Variants in SPON1 observed in about 807,000 individuals in gnomAD.
SPON1 encodes spondin-1.
In SPON1, 52 loss-of-function variants were observed where a neutral mutation model predicts 111.7. The observed-to-expected ratio is 0.47, with a 90% CI of 0.37 to 0.59. The LOEUF is 0.59. Ranked by LOEUF, SPON1 falls within the 20% of genes least tolerant of loss-of-function variation. The pLI is 0.00. For missense variants in SPON1, 957 were observed against 1,068.5 expected (o/e 0.90, Z 1.46); for synonymous variants, 410 against 395.8 (o/e 1.04, Z -0.43).
rs536827212 is a variant in SPON1, at chr11:14,121,668, C to G, written c.677-13752C>G. On this transcript the variant is annotated intron_variant, in intron 5 of 15. Coordinates refer to ENST00000576479, the MANE Select transcript of SPON1 (RefSeq NM_006108.4). ...AAGAAGAGATTAAAGGTGCACCTTA[C>G]CCACATATTTCCCATTTCCAGCACT... 3.3e-4 allele frequency among the ~76,000 whole-genome samples: 50 copies of G among 152,208 alleles called. 2 individuals are homozygous for G. The South Asian group carries it at 9.3e-3, about 28-fold the overall frequency.
chr11:14,006,975 G>T (rs543294481), intron 2 of SPON1, among the ~76,000 whole-genome samples: 1 of 152,136 alleles, frequency 6.6e-6, no homozygotes, highest in Admixed American at 6.5e-5. Flanking sequence ...AAATTAAGGT[G>T]TCAACAGGAC....
intron 7 of SPON1, among the ~76,000 whole-genome samples, chr11:14,248,552 T>C (rs1849018573): frequency 6.6e-6 from 1 of 152,182 alleles, no homozygotes; most frequent in African/African-American, 2.4e-5. Context: ...ACTGGCTTGT[T>C]AAGGGAAAAG....
Position 14,257,337 on chromosome 11 carries a change from C to T in SPON1, c.1310-379C>T, listed in dbSNP as rs187841767. ...GCTGCTCTTATTCTTACCATGACAA[C>T]TGTGTATGGGATCATTGGGAAGATG... On this transcript the variant is annotated intron_variant, in intron 10 of 15. Coordinates refer to ENST00000576479, the MANE Select transcript of SPON1 (RefSeq NM_006108.4). 6.4e-4 allele frequency among the ~76,000 whole-genome samples: 97 copies of T among 152,266 alleles called. 1 individual carries two copies. Among genetic ancestry groups the T allele is most frequent in the African/African-American group, 2.2e-3 (91 of 41,544 alleles).
At chr11:14,185,857 T>G (rs1848281041) in intron 6 of SPON1, among the ~76,000 whole-genome samples, 1 of 152,216 alleles carries the variant, frequency 6.6e-6, no homozygotes, top group African/African-American at 2.4e-5. Context: ...CAAAGAGTTA[T>G]TTAATATGCC....
At chr11:14,063,614 A>G (rs545670610) in intron 3 of SPON1, among the ~76,000 whole-genome samples, 26 of 152,362 alleles carry the variant, frequency 1.7e-4, no homozygotes, top group Non-Finnish European at 3.1e-4. Context: ...CTTATGCCAC[A>G]TAAGGATGAG....
intron 6 of SPON1, among the ~76,000 whole-genome samples, chr11:14,200,063 T>C (rs2133896149): frequency 6.6e-6 from 1 of 152,126 alleles, no homozygotes; most frequent in Admixed American, 6.5e-5. Flanking sequence ...ATTTAGCAAC[T>C]ACTAACCCTC....
rs1849281717 is a variant in SPON1, at chr11:14,267,216, A to T, written c.*1529A>T. On this transcript the variant is annotated 3_prime_UTR_variant, in exon 16 of 16. Coordinates refer to ENST00000576479, the MANE Select transcript of SPON1 (RefSeq NM_006108.4). ...TCAATAAAAACTCACTGGGTCTTTC[A>T]TGTCTTTAAGCTAAGTAAGTGTTCA... is the stretch of plus-strand genomic sequence containing the variant. The T allele has an allele frequency of 6.6e-6, 1 of 152,156 alleles. No individual in the cohort carries two copies. 9.4% of individuals were successfully genotyped at this position (152,156 alleles called of 1,614,324 possible).
chr11:14,143,042 G>T (rs1453539945), intron 6 of SPON1, among the ~76,000 whole-genome samples: 1 of 152,320 alleles, frequency 6.6e-6, no homozygotes, highest in African/African-American at 2.4e-5. Flanking sequence ...GGCCCCAAAT[G>T]GTAGCCATAG....
At chr11:14,148,904 C>T (rs935739493) in intron 6 of SPON1, among the ~76,000 whole-genome samples, 3 of 152,186 alleles carry the variant, frequency 2.0e-5, no homozygotes, top group Non-Finnish European at 4.4e-5. Context: ...TGCATTCATT[C>T]ATTCATTCAT....
chr11:14,059,073 C>T (rs1401700892), intron 3 of SPON1, among the ~76,000 whole-genome samples: 3 of 152,190 alleles, frequency 2.0e-5, no homozygotes, highest in African/African-American at 4.8e-5. Context: ...GCATCTTACC[C>T]ATTCCAGCCA....
chr11:13,993,869 T>C (rs1467107376), intron 2 of SPON1, among the ~76,000 whole-genome samples: 1 of 152,216 alleles, frequency 6.6e-6, no homozygotes. Flanking sequence ...ATAATACTAT[T>C]CATTGCCTTG....
chr11:14,259,811 TGGCCCATGGTCCTTGCTG>T lies in SPON1; in HGVS notation c.1831+114_1831+131del, dbSNP rs781793689. ...GTCGGAGGCTGAGCAGAGGAAAGCA[TGGCCCATGGTCCTTGCTG>T]GGCACTGCTGGGAGCCAGATGAGAG... On this transcript the variant is annotated intron_variant, in intron 13 of 15. Transcript: ENST00000576479. The surrounding 1 kb of genome is among the most constrained non-coding windows in gnomAD (Gnocchi z 5.0). 5 of 1,240,616 alleles carry T rather than the reference TGGCCCATGGTCCTTGCTG, an allele frequency of 4.0e-6. No homozygotes were observed. Among genetic ancestry groups the T allele is most frequent in the Non-Finnish European group, 5.6e-6 (5 of 894,958 alleles). The allele number at this position is 1,240,616 out of a possible 1,614,324, so 76.9% of individuals were successfully genotyped here.
rs1361116926 is a variant in SPON1 at position 14,135,529 on chromosome 11, G to A, written c.786G>A (p.Leu262=). Residue 262 remains leucine (L), a synonymous_variant, in exon 6 of 16, where the codon TTG becomes TTA. Coordinates refer to ENST00000576479, the MANE Select transcript of SPON1 (RefSeq NM_006108.4). This position sits in a 1 kb window ranked among gnomAD's most constrained non-coding sequence, Gnocchi z 4.4. ...ASEGVKQVAE[L]GSPVKMEEEI... is the part of the protein sequence containing the mutation. ...AAGGCGTCAAACAAGTTGCAGAATT[G>A]GGCTCACCCGTGAAAATGGAGGAAG... is the stretch of plus-strand genomic sequence containing the variant. 3 of 1,613,668 alleles carry A rather than the reference G, an allele frequency of 1.9e-6. No individual in the cohort carries two copies. The highest frequency in any genetic ancestry group is 2.5e-6 in the Non-Finnish European group (3 of 1,179,770).
At chr11:14,168,861 A>G (rs1591397346) in intron 6 of SPON1, among the ~76,000 whole-genome samples, 1 of 152,308 alleles carries the variant, frequency 6.6e-6, no homozygotes, top group Admixed American at 6.5e-5. Context: ...ATAGTATTCC[A>G]TGGTGTATAT....
In SPON1 at chr11:14,260,055, C is replaced by T. The variant is rs564852865; in HGVS notation, c.1831+354C>T. Among the ~76,000 whole-genome samples the T allele has an allele frequency of 3.0e-4, 46 of 152,142 alleles. 1 individual carries two copies. The highest frequency in any genetic ancestry group is 5.3e-4 in the Non-Finnish European group (36 of 68,034). On this transcript the variant is annotated intron_variant, in intron 13 of 15. Transcript: ENST00000576479. ...GGACATACATTACCCAGGTCCAGCC[C>T]ACTCCTCCCACTCCTGTTGTACATT... is the stretch of plus-strand genomic sequence containing the variant.
At chr11:14,070,492 A>G (rs1388125816) in intron 3 of SPON1, among the ~76,000 whole-genome samples, 2 of 152,194 alleles carry the variant, frequency 1.3e-5, no homozygotes, top group African/African-American at 4.8e-5. Flanking sequence ...CGTGCCAGGT[A>G]CTTTTTGTTA....
At chr11:14,226,120 T>C (rs1189456381) in intron 6 of SPON1, among the ~76,000 whole-genome samples, 3 of 152,206 alleles carry the variant, frequency 2.0e-5, no homozygotes, top group Non-Finnish European at 4.4e-5. Context: ...CTTTAGTCCA[T>C]TTTAGAGATG....
intron 3 of SPON1, among the ~76,000 whole-genome samples, chr11:14,047,286 T>A (rs1023663772): frequency 6.6e-6 from 1 of 152,194 alleles, no homozygotes; most frequent in Non-Finnish European, 1.5e-5. Context: ...TATTCAGTAT[T>A]ACAGATTTCA....
Position 14,135,958 on chromosome 11 carries a change from C to G in SPON1, c.825+390C>G, listed in dbSNP as rs904625453. Among the ~76,000 whole-genome samples, 1 of 152,132 alleles carries G rather than the reference C, an allele frequency of 6.6e-6. No homozygotes were observed. The highest frequency in any genetic ancestry group is 2.4e-5 in the African/African-American group (1 of 41,416). ...CAAAATAAATGTTTGAGTATTGGCACGTGCTTTTTGCAACTATGTCTTGAG... is the reference window on the plus strand; with the variant it reads ...CAAAATAAATGTTTGAGTATTGGCAGGTGCTTTTTGCAACTATGTCTTGAG... On this transcript the variant is annotated intron_variant, in intron 6 of 15. Coordinates refer to ENST00000576479, the MANE Select transcript of SPON1 (RefSeq NM_006108.4). This position sits in a 1 kb window ranked among gnomAD's most constrained non-coding sequence, Gnocchi z 4.4.
Sources: allele counts gnomAD v4.1 joint callset (sites outside exome capture counted in the v4.1 genomes callset), GRCh38; gene constraint gnomAD v4.1.1; non-coding constraint Gnocchi (gnomAD v3.1); transcripts MANE v1.5; gene names NCBI Gene and HGNC (gene_info 2026-07-23, HGNC 2026-07-21).